CSMD2: variants seen among roughly 807,000 people sequenced by gnomAD.
CSMD2 encodes CUB and sushi domain-containing protein 2.
In CSMD2, 130 loss-of-function variants were observed where a neutral mutation model predicts 398.5. The ratio of observed to expected loss-of-function variants is 0.33; its 90% confidence interval spans 0.28 to 0.38. CSMD2 has a LOEUF of 0.38. Ranked by LOEUF, CSMD2 falls within the 10% of genes least tolerant of loss-of-function variation. The pLI is 1.00. For missense variants in CSMD2, 3,829 were observed against 4,764.9 expected (o/e 0.80, Z 5.78); for synonymous variants, 1,828 against 1,908.5 (o/e 0.96, Z 1.10).
In CSMD2 at chr1:33,700,675, T is replaced by G; in HGVS notation, c.3577-2A>C. ...GGAGTTGTTGTTGCCATCATAAACC[T>G]GGACACAGGAGAGACCCCCAACCCA... is the stretch of plus-strand genomic sequence containing the variant. On this transcript the variant is annotated splice_acceptor_variant, in intron 22 of 70. Coordinates refer to ENST00000373381, the MANE Select transcript of CSMD2 (RefSeq NM_001281956.2). LOFTEE classifies it high-confidence loss of function. 1 of 1,614,106 alleles carries G rather than the reference T, an allele frequency of 6.2e-7. No individual in the cohort carries two copies. The highest frequency in any genetic ancestry group is 8.5e-7 in the Non-Finnish European group (1 of 1,180,016).
rs774765893 is a variant in CSMD2, at chr1:33,567,478, C to CATATATATATATATATATATAT, written c.8380+114_8380+115insATATATATATATATATATATAT. The CATATATATATATATATATATAT allele has an allele frequency of 2.7e-4, 127 of 469,780 alleles. 1 individual carries two copies. Among genetic ancestry groups the CATATATATATATATATATATAT allele is most frequent in the African/African-American group, 1.5e-3 (72 of 47,194 alleles). 29.1% of individuals were successfully genotyped at this position (469,780 alleles called of 1,614,324 possible). A position where few individuals can be genotyped will look rare whatever the true frequency, so the allele number is the denominator to read the frequency against. ...CAGTTTTGAAAAAAAAAATAGCAAT[C>CATATATATATATATATATATAT]ATATATATATATATATATTTAAAAC... On this transcript the variant is annotated intron_variant, in intron 53 of 70. Coordinates refer to ENST00000373381, the MANE Select transcript of CSMD2 (RefSeq NM_001281956.2).
Position 33,709,054 on chromosome 1 carries a change from T to A in CSMD2, c.3576+35A>T, listed in dbSNP as rs1224632847. On this transcript the variant is annotated intron_variant, in intron 22 of 70. Transcript: ENST00000373381. ...GAGTATTGACTAGACTATTGCATACTATAACACACATACTCTGAAATCGAT... is the reference window on the plus strand; with the variant it reads ...GAGTATTGACTAGACTATTGCATACAATAACACACATACTCTGAAATCGAT... 1.9e-6 allele frequency: 3 copies of A among 1,569,590 alleles called. No individual in the cohort carries two copies. In the South Asian group the frequency reaches 3.6e-5, roughly 19 times the overall value.
At chr1:33,580,630 C>T in intron 48 of CSMD2, 123 bp downstream of exon 48, 3 of 1,013,644 alleles carry the variant, frequency 3.0e-6, no homozygotes, top group Middle Eastern at 3.2e-4. Flanking sequence ...AGGGGAATGG[C>T]AAAGACCACT....
intron 2 of CSMD2, among the ~76,000 whole-genome samples, chr1:34,071,393 G>A (rs181539844): frequency 7.2e-5 from 11 of 152,352 alleles, no homozygotes; most frequent in East Asian, 1.9e-4. Flanking sequence ...GCAGTAATAC[G>A]TGAGGTCTAA....
At chr1:34,088,884 A>C in intron 2 of CSMD2, 93 bp downstream of exon 2, 2 of 1,019,816 alleles carry the variant, frequency 2.0e-6, no homozygotes, top group Non-Finnish European at 3.0e-6. Context: ...TTTGTTGATG[A>C]CCATAAACTT....
At chr1:34,078,385 T>A (rs746485546) in intron 2 of CSMD2, among the ~76,000 whole-genome samples, 1 of 152,128 alleles carries the variant, frequency 6.6e-6, no homozygotes, top group Non-Finnish European at 1.5e-5. Context: ...CACCTGAAAT[T>A]CCCAGTCTAA....
At chr1:33,887,583 A>G (rs12568620) in intron 5 of CSMD2, among the ~76,000 whole-genome samples, 11,242 of 152,272 alleles carry the variant, frequency 0.074, 552 homozygotes, top group Middle Eastern at 0.13. Context: ...TTAATAAGAA[A>G]AACACATAAT....
chr1:33,571,035 C>A (rs1659548691), intron 51 of CSMD2, among the ~76,000 whole-genome samples: 1 of 152,162 alleles, frequency 6.6e-6, no homozygotes, highest in South Asian at 2.1e-4. Flanking sequence ...TATTAAAGAA[C>A]CAAAGAAAAA....
intron 2 of CSMD2, among the ~76,000 whole-genome samples, chr1:34,069,605 A>G (rs1165725776): frequency 6.6e-6 from 1 of 152,208 alleles, no homozygotes; most frequent in African/African-American, 2.4e-5. Flanking sequence ...CTAAATTCAC[A>G]TGGAGACTAT....
At chr1:33,765,540 T>C (rs952561018) in intron 13 of CSMD2, among the ~76,000 whole-genome samples, 1 of 152,190 alleles carries the variant, frequency 6.6e-6, no homozygotes, top group African/African-American at 2.4e-5. Context: ...TATACATTCA[T>C]CTAAGTAAAC....
intron 1 of CSMD2, among the ~76,000 whole-genome samples, chr1:34,115,813 T>C (rs1661546586): frequency 6.6e-6 from 1 of 151,892 alleles, no homozygotes; most frequent in African/African-American, 2.4e-5. Flanking sequence ...TAATACAAAG[T>C]GTGTAGGGAG....
At chr1:33,996,716 A>G (rs1312502348) in intron 3 of CSMD2, among the ~76,000 whole-genome samples, 1 of 152,048 alleles carries the variant, frequency 6.6e-6, no homozygotes, top group African/African-American at 2.4e-5. Context: ...CAACTTATAG[A>G]AAACTGGAAC....
chr1:34,091,245 AAGCTCAGTATT>A (rs1658521740), intron 1 of CSMD2, among the ~76,000 whole-genome samples: 2 of 152,220 alleles, frequency 1.3e-5, no homozygotes, highest in South Asian at 4.1e-4. Context: ...TCCATGTCCC[AAGCTCAGTATT>A]AGGTACATGG....
intron 36 of CSMD2, 143 bp downstream of exon 36, chr1:33,623,227 A>C: frequency 1.5e-6 from 1 of 649,024 alleles, no homozygotes; most frequent in Non-Finnish European, 2.7e-6. Context: ...AATCTCCTGA[A>C]AACCACTGAT....
chr1:34,038,680 T>C (rs1415254984), intron 2 of CSMD2, among the ~76,000 whole-genome samples: 1 of 152,204 alleles, frequency 6.6e-6, no homozygotes, highest in Non-Finnish European at 1.5e-5. Context: ...CTCTGTCTCC[T>C]GCCTGGCTCC....
rs142019142 is a variant in CSMD2, at chr1:33,810,773, C to T, written c.1416G>A (p.Val472=). 1.5e-5 allele frequency: 24 copies of T among 1,613,382 alleles called. No homozygotes were observed. The highest frequency in any genetic ancestry group is 2.0e-5 in the Non-Finnish European group (24 of 1,179,780). Residue 472 remains valine, a synonymous_variant, in exon 10 of 71, where the codon GTG becomes GTA. Transcript: ENST00000373381. The part of the protein sequence containing the change: ...PIQYDNNAHC[V]WIITALNPSK... ...AGGGGTTGAGTGCTGTGATGATCCA[C>T]ACACAGTGTGCATTGTTGTCATACT...
chr1:34,098,784 G>A (rs868200510), intron 1 of CSMD2, among the ~76,000 whole-genome samples: 60 of 152,166 alleles, frequency 3.9e-4, no homozygotes, highest in Middle Eastern at 3.4e-3. Context: ...GGAGCAAAGA[G>A]TTACATGGTA....
chr1:33,775,630 G>C (rs565613319), intron 12 of CSMD2, among the ~76,000 whole-genome samples: 15 of 152,368 alleles, frequency 9.8e-5, no homozygotes, highest in African/African-American at 3.4e-4. Flanking sequence ...GTATAGGTCT[G>C]AATGGAGGGT....
chr1:34,105,939 T>C (rs1660484249), intron 1 of CSMD2, among the ~76,000 whole-genome samples: 1 of 152,152 alleles, frequency 6.6e-6, no homozygotes, highest in African/African-American at 2.4e-5. Flanking sequence ...AGTAGGAGAT[T>C]AGTGAAAATA....
Sources: allele counts gnomAD v4.1 joint callset (sites outside exome capture counted in the v4.1 genomes callset), GRCh38; gene constraint gnomAD v4.1.1; transcripts MANE v1.5; gene names NCBI Gene and HGNC (gene_info 2026-07-23, HGNC 2026-07-21).